ZNF574: variants seen among roughly 807,000 people sequenced by gnomAD.
The protein encoded by ZNF574 is zinc finger protein 574.
ZNF574 carries 25 observed loss-of-function variants against 56.6 expected under a neutral mutation model. The ratio of observed to expected loss-of-function variants is 0.44; its 90% CI spans 0.32 to 0.62. ZNF574 has a LOEUF of 0.62. Among genes scored for constraint, ZNF574 ranks in the 20% least tolerant of loss-of-function variants. The pLI, the probability that ZNF574 is intolerant of heterozygous loss-of-function variation, is 0.04. For missense variants in ZNF574, 1,065 were observed against 1,218.9 expected (o/e 0.87, Z 1.88); for synonymous variants, 543 against 492.1 (o/e 1.10, Z -1.37).
rs748122561 is a variant in ZNF574, at chr19:42,080,314, C to T, written c.1708C>T (p.Arg570Cys). 1.6e-5 allele frequency: 26 copies of T among 1,614,046 alleles called. No homozygotes were observed. Among genetic ancestry groups the T allele is most frequent in the African/African-American group, 8.0e-5 (6 of 74,920 alleles). Residue 570 changes from arginine to cysteine, a missense_variant, in exon 2 of 2, where the codon CGC (arginine) becomes TGC (cysteine). By Grantham distance (180) the Arg-to-Cys change is radical (BLOSUM62 -3). Transcript: ENST00000359044. This position sits in a 1 kb window ranked among gnomAD's most constrained non-coding sequence, Gnocchi z 8.5. The part of the protein sequence containing the change: ...FTQSSTLRQH[R>C]LVHAQHFPYR... Reference sequence around the variant, plus strand: ...GCAAAGCTCCACACTGAGGCAGCACCGCTTGGTGCATGCCCAGCACTTCCC... The same window carrying T: ...GCAAAGCTCCACACTGAGGCAGCACTGCTTGGTGCATGCCCAGCACTTCCC...
upstream of ZNF574, among the ~76,000 whole-genome samples, chr19:42,072,487 C>T (rs571631957): frequency 5.4e-4 from 82 of 151,982 alleles, no homozygotes; most frequent in African/African-American, 1.0e-3. Flanking sequence ...CTGCCTGCCT[C>T]GGCCTCCCAA....
Position 42,079,328 on chromosome 19 carries a change from T to C in ZNF574, c.722T>C (p.Val241Ala), listed in dbSNP as rs1347462148. Residue 241 changes from valine (V) to alanine (A), a missense_variant, in exon 2 of 2, where the codon GTA (valine) becomes GCA (alanine). Transcript: ENST00000359044. This position sits in a 1 kb window ranked among gnomAD's most constrained non-coding sequence, Gnocchi z 4.3. ...CAGGCCACTCACTTCCCTGCTCCTG[T>C]ACCCGAGTCTCAGGAGCCTGCCTTA... ...EHQATHFPAP[V>A]PESQEPALQQ... 2 of 1,613,482 alleles carry C rather than the reference T, an allele frequency of 1.2e-6. No individual in the cohort carries two copies. Among genetic ancestry groups the C allele is most frequent in the Non-Finnish European group, 1.7e-6 (2 of 1,179,732 alleles).
At chr19:42,073,814 C>CAAAA (rs577928373), upstream of ZNF574, among the ~76,000 whole-genome samples, 77 of 32,054 alleles carry the variant, frequency 2.4e-3, 3 homozygotes, top group Non-Finnish European at 3.0e-3. Flanking sequence ...TAGACTGTCT[C>CAAAA]AAAAAAAAAA....
At chr19:42,071,673 C>T (rs1369742621), upstream of ZNF574, among the ~76,000 whole-genome samples, 2 of 152,190 alleles carry the variant, frequency 1.3e-5, no homozygotes, top group East Asian at 1.9e-4. Context: ...TTCACACCTG[C>T]CTCTGGGACT....
At chr19:42,072,460 TCTC>T (rs1294708247), upstream of ZNF574, among the ~76,000 whole-genome samples, 1 of 151,922 alleles carries the variant, frequency 6.6e-6, no homozygotes, top group Non-Finnish European at 1.5e-5. Context: ...ATGGTCTCGA[TCTC>T]CTGACTTCGT....
At chr19:42,075,775 T>C (rs1401242159), upstream of ZNF574, among the ~76,000 whole-genome samples, 1 of 152,154 alleles carries the variant, frequency 6.6e-6, no homozygotes, top group African/African-American at 2.4e-5. Flanking sequence ...TCCCTCTCCC[T>C]GTCCCCAACG....
upstream of ZNF574, among the ~76,000 whole-genome samples, chr19:42,072,236 CTTTTT>C (rs1200141888): frequency 7.4e-6 from 1 of 135,182 alleles, no homozygotes; most frequent in Admixed American, 7.3e-5. Context: ...TTTTCCTTTT[CTTTTT>C]TTTTTTTTTT....
upstream of ZNF574, chr19:42,075,155 T>A (rs183145188): frequency 1.3e-5 from 2 of 152,300 alleles, no homozygotes; most frequent in Admixed American, 6.5e-5. Flanking sequence ...AATGTTGGGA[T>A]TGCAGGCGTG....
In ZNF574 at chr19:42,080,004, C is replaced by T. The variant is rs2076486018; in HGVS notation, c.1398C>T (p.Tyr466=). ...CAGGGCCCGCTGCCCCAGGCACCTACCGCTGCCTCCTGTGCAGCCGTGAAT... is the reference window on the plus strand; with the variant it reads ...CAGGGCCCGCTGCCCCAGGCACCTATCGCTGCCTCCTGTGCAGCCGTGAAT... ...TSAGPAAPGT[Y]RCLLCSREFG... is the part of the protein sequence containing the mutation. The change falls in exon 2 of 2, where the codon TAC becomes TAT. Residue 466 remains tyrosine, a synonymous_variant. Coordinates refer to ENST00000359044, the MANE Select transcript of ZNF574 (RefSeq NM_022752.6). This position sits in a 1 kb window ranked among gnomAD's most constrained non-coding sequence, Gnocchi z 8.5. 1 of 1,614,014 alleles carries T rather than the reference C, an allele frequency of 6.2e-7. No homozygotes were observed. The highest frequency in any genetic ancestry group is 1.1e-5 in the South Asian group (1 of 91,074).
upstream of ZNF574, among the ~76,000 whole-genome samples, chr19:42,071,549 T>C (rs1327504925): frequency 6.6e-6 from 1 of 152,040 alleles, no homozygotes; most frequent in Non-Finnish European, 1.5e-5. Flanking sequence ...GACACATATA[T>C]CTGACGCTGA....
chr19:42,072,632 T>C (rs1242355654), upstream of ZNF574, among the ~76,000 whole-genome samples: 1 of 151,816 alleles, frequency 6.6e-6, no homozygotes, highest in Non-Finnish European at 1.5e-5. Flanking sequence ...AATGGCGCCA[T>C]CTTGGCTCAC....
upstream of ZNF574, among the ~76,000 whole-genome samples, chr19:42,072,850 C>T (rs2076433790): frequency 6.6e-6 from 1 of 152,018 alleles, no homozygotes; most frequent in Non-Finnish European, 1.5e-5. Flanking sequence ...ACAGGTGTGA[C>T]CCACCGCACC....
chr19:42,074,801 A>C (rs1358124652), upstream of ZNF574: 1 of 152,248 alleles, frequency 6.6e-6, no homozygotes, highest in Non-Finnish European at 1.5e-5. Context: ...GTAAGTAAAT[A>C]AATAACACAA....
Position 42,081,288 on chromosome 19 carries a change from C to G in ZNF574, c.2682C>G (p.Ile894Met), listed in dbSNP as rs1177934884. 1 of 1,614,056 alleles carries G rather than the reference C, an allele frequency of 6.2e-7. No homozygotes were observed. The highest frequency in any genetic ancestry group is 2.2e-5 in the East Asian group (1 of 44,890). Residue 894 changes from isoleucine to methionine, a missense_variant, in exon 2 of 2, where the codon ATC becomes ATG. Ile to Met is a conservative substitution (Grantham distance 10). Coordinates refer to ENST00000359044, the MANE Select transcript of ZNF574 (RefSeq NM_022752.6). The part of the protein sequence containing the change: ...YPLAEAEGVQ[I>M]SG ...TGGCCGAGGCTGAGGGGGTCCAGAT[C>G]AGTGGCTGACTCTGCCCGACTTCCT... is the stretch of plus-strand genomic sequence containing the variant.
upstream of ZNF574, among the ~76,000 whole-genome samples, chr19:42,074,328 G>A (rs1386645627): frequency 2.0e-5 from 3 of 149,874 alleles, no homozygotes; most frequent in East Asian, 2.0e-4. Flanking sequence ...GGTGGCGAGC[G>A]CCTGTAGTCA....
Position 42,079,527 on chromosome 19 carries a change from G to A in ZNF574, c.921G>A (p.Gln307=). 6.2e-7 allele frequency: 1 copy of A among 1,613,956 alleles called. No individual in the cohort carries two copies. The highest frequency in any genetic ancestry group is 8.5e-7 in the Non-Finnish European group (1 of 1,180,024). Residue 307 remains glutamine (Q), a synonymous_variant, in exon 2 of 2, where the codon CAG becomes CAA. Coordinates refer to ENST00000359044, the MANE Select transcript of ZNF574 (RefSeq NM_022752.6). The surrounding 1 kb of genome is among the most constrained non-coding windows in gnomAD (Gnocchi z 4.3). ...GAGAAGCAGGCGGGGCAGCCACACA[G>A]GAGCTCTTCTGCTCAGCCTGTGACC... ...NSGEAGGAAT[Q]ELFCSACDQL...
In ZNF574 at chr19:42,080,013, C is replaced by G. The variant is rs759499968; in HGVS notation, c.1407C>G (p.Leu469=). 2 of 1,614,068 alleles carry G rather than the reference C, an allele frequency of 1.2e-6. No individual in the cohort carries two copies. Among genetic ancestry groups the G allele is most frequent in the African/African-American group, 1.3e-5 (1 of 75,034 alleles). ...CTGCCCCAGGCACCTACCGCTGCCT[C>G]CTGTGCAGCCGTGAATTTGGAAAGG... ...GPAAPGTYRC[L]LCSREFGKAL... is the part of the protein sequence containing the mutation. The change falls in exon 2 of 2, where the codon CTC becomes CTG. Residue 469 remains leucine, a synonymous_variant. Transcript: ENST00000359044. The surrounding 1 kb of genome is among the most constrained non-coding windows in gnomAD (Gnocchi z 8.5).
At chr19:42,072,856 G>A (rs1375542487), upstream of ZNF574, among the ~76,000 whole-genome samples, 1 of 152,168 alleles carries the variant, frequency 6.6e-6, no homozygotes, top group African/African-American at 2.4e-5. Context: ...GTGACCCACC[G>A]CACCCAGCCT....
rs1384252749 is a variant in ZNF574 at position 42,080,592 on chromosome 19, G to T, written c.1986G>T (p.Gln662His). 1 of 1,612,704 alleles carries T rather than the reference G, an allele frequency of 6.2e-7. No individual in the cohort carries two copies. Among genetic ancestry groups the T allele is most frequent in the Non-Finnish European group, 8.5e-7 (1 of 1,179,854 alleles). ...REHRCAAAAA[Q>H]APRRFECGTC... Reference sequence around the variant, plus strand: ...ACCGCTGTGCAGCCGCTGCTGCCCAGGCCCCACGGCGCTTTGAGTGTGGCA... The same window carrying T: ...ACCGCTGTGCAGCCGCTGCTGCCCATGCCCCACGGCGCTTTGAGTGTGGCA... Residue 662 changes from glutamine to histidine, a missense_variant, in exon 2 of 2, where the codon CAG becomes CAT. Coordinates refer to ENST00000359044, the MANE Select transcript of ZNF574 (RefSeq NM_022752.6). This position sits in a 1 kb window ranked among gnomAD's most constrained non-coding sequence, Gnocchi z 8.5.
Sources: allele counts gnomAD v4.1 joint callset (sites outside exome capture counted in the v4.1 genomes callset), GRCh38; gene constraint gnomAD v4.1.1; non-coding constraint Gnocchi (gnomAD v3.1); transcripts MANE v1.5; gene names NCBI Gene and HGNC (gene_info 2026-07-23, HGNC 2026-07-21).